SORT1: variants seen among roughly 807,000 people sequenced by gnomAD.
SORT1 encodes the protein sortilin.
In SORT1, 39 loss-of-function variants were observed where a neutral mutation model predicts 101.7. That is an observed-to-expected ratio of 0.38 (90% CI 0.30 to 0.50). The LOEUF is 0.50. Ranked by LOEUF, SORT1 falls within the 20% of genes least tolerant of loss-of-function variation. The pLI, the probability that SORT1 is intolerant of heterozygous loss-of-function variation, is 0.90. For synonymous variants in SORT1, 396 were observed against 393.7 expected (o/e 1.01, Z -0.07); for missense variants, 878 against 1,040.4 (o/e 0.84, Z 2.15).
chr1:109,314,619 A>C, intron 18 of SORT1, 53 bp downstream of exon 18: 3 of 1,300,046 alleles, frequency 2.3e-6, no homozygotes, highest in Non-Finnish European at 3.3e-6. Context: ...TATGCCCTAG[A>C]TCAGCCTTCT....
chr1:109,346,314 TAAA>T (rs56298313), intron 7 of SORT1, among the ~76,000 whole-genome samples: 6 of 86,750 alleles, frequency 6.9e-5, no homozygotes, highest in South Asian at 3.3e-4. Flanking sequence ...CTCCGTCTCA[TAAA>T]AAAAAAAAAA....
chr1:109,317,063 C>T, intron 16 of SORT1, 105 bp from the exon 17 acceptor site: 1 of 740,748 alleles, frequency 1.3e-6, no homozygotes, highest in Non-Finnish European at 2.3e-6. Flanking sequence ...AGCTTCCCAT[C>T]CTTACGTCAT....
chr1:109,387,228 T>C (rs1652622731), intron 1 of SORT1, among the ~76,000 whole-genome samples: 2 of 152,050 alleles, frequency 1.3e-5, no homozygotes, highest in Admixed American at 6.5e-5. Context: ...GAGGCAGAGG[T>C]TGCAGTGAGC....
intron 1 of SORT1, among the ~76,000 whole-genome samples, chr1:109,390,805 G>GCA (rs1652871250): frequency 6.6e-6 from 1 of 151,568 alleles, no homozygotes; most frequent in Admixed American, 6.6e-5. Context: ...GTGTGCGCGC[G>GCA]CGCGTTTTAG....
intron 1 of SORT1, among the ~76,000 whole-genome samples, chr1:109,394,423 G>A (rs886265296): frequency 1.1e-4 from 17 of 151,926 alleles, no homozygotes; most frequent in African/African-American, 3.9e-4. Context: ...GAAATGATAT[G>A]AGAAAAAAAA....
chr1:109,358,718 G>T (rs1376133195), intron 3 of SORT1, among the ~76,000 whole-genome samples: 5 of 152,090 alleles, frequency 3.3e-5, no homozygotes, highest in Non-Finnish European at 7.4e-5. Context: ...GCCAGGCATG[G>T]TGGCACGCGC....
intron 7 of SORT1, among the ~76,000 whole-genome samples, chr1:109,346,539 T>C (rs112364802): frequency 5.8e-4 from 87 of 150,166 alleles, no homozygotes; most frequent in African/African-American, 2.0e-3. Context: ...AGGTCAGGAG[T>C]TCAAGACCAC....
At chr1:109,341,249 C>G (rs1298110626) in intron 9 of SORT1, among the ~76,000 whole-genome samples, 4 of 152,076 alleles carry the variant, frequency 2.6e-5, no homozygotes, top group Non-Finnish European at 5.9e-5. Context: ...AGTGAAGGAT[C>G]AATTTGTAAG....
intron 10 of SORT1, 31 bp from the exon 11 acceptor site, chr1:109,336,377 A>T: frequency 1.5e-6 from 2 of 1,347,350 alleles, no homozygotes; most frequent in Non-Finnish European, 2.1e-6. Flanking sequence ...ATTAAGTCTG[A>T]TACACTGGAA....
At chr1:109,330,958 G>A (rs1353856860) in intron 11 of SORT1, among the ~76,000 whole-genome samples, 1 of 152,082 alleles carries the variant, frequency 6.6e-6, no homozygotes, top group African/African-American at 2.4e-5. Context: ...TGAGTAAGGA[G>A]GCTCAATCAG....
At chr1:109,340,175 GA>G (rs1254168052) in intron 10 of SORT1, among the ~76,000 whole-genome samples, 2 of 144,556 alleles carry the variant, frequency 1.4e-5, no homozygotes, top group East Asian at 2.0e-4. Context: ...GAAAGAAAAA[GA>G]AAAAAAAGGT....
chr1:109,321,142 A>G (rs558046689), intron 15 of SORT1, among the ~76,000 whole-genome samples: 2 of 152,288 alleles, frequency 1.3e-5, no homozygotes, highest in East Asian at 1.9e-4. Context: ...CATGATTACT[A>G]TATTATTATC....
chr1:109,339,479 A>G (rs1649065647), intron 10 of SORT1, among the ~76,000 whole-genome samples: 1 of 152,230 alleles, frequency 6.6e-6, no homozygotes, highest in African/African-American at 2.4e-5. Flanking sequence ...ATGGCCAACG[A>G]GCATATAAAA....
intron 2 of SORT1, chr1:109,368,808 C>G (rs1651269506): frequency 6.6e-6 from 1 of 152,314 alleles, no homozygotes; most frequent in African/African-American, 2.4e-5. Context: ...CCTCAACACA[C>G]CTGTAGGAAA....
chr1:109,390,815 G>C (rs1652873559), intron 1 of SORT1, among the ~76,000 whole-genome samples: 1 of 150,626 alleles, frequency 6.6e-6, no homozygotes, highest in Non-Finnish European at 1.5e-5. Context: ...GCGCGTTTTA[G>C]GACATACAGG....
intron 3 of SORT1, among the ~76,000 whole-genome samples, chr1:109,362,813 AG>A (rs975298713): frequency 6.6e-6 from 1 of 151,964 alleles, no homozygotes; most frequent in Non-Finnish European, 1.5e-5. Flanking sequence ...AAAAAAAAAA[AG>A]CAAGAAAATA....
intron 15 of SORT1, 43 bp from the exon 16 acceptor site, chr1:109,318,012 AG>A: frequency 8.0e-7 from 1 of 1,243,780 alleles, no homozygotes; most frequent in Non-Finnish European, 1.2e-6. Context: ...AGCAGCTGGA[AG>A]ACCGTTAAGT....
intron 1 of SORT1, among the ~76,000 whole-genome samples, chr1:109,372,935 C>T (rs1264068175): frequency 1.3e-5 from 2 of 150,662 alleles, no homozygotes; most frequent in Non-Finnish European, 3.0e-5. Context: ...ATTAGCCAGG[C>T]GCGGTAGCTA....
At chr1:109,375,368 C>A (rs540251600) in intron 1 of SORT1, among the ~76,000 whole-genome samples, 108 of 151,830 alleles carry the variant, frequency 7.1e-4, no homozygotes, top group African/African-American at 2.5e-3. Flanking sequence ...CAAGACCATC[C>A]CCGTCTCTAC....
Sources: allele counts gnomAD v4.1 joint callset (sites outside exome capture counted in the v4.1 genomes callset), GRCh38; gene constraint gnomAD v4.1.1; transcripts MANE v1.5; gene names NCBI Gene and HGNC (gene_info 2026-07-23, HGNC 2026-07-21).